KNTC1: variants seen among roughly 807,000 people sequenced by gnomAD.
KNTC1 encodes kinetochore-associated protein 1.
Under a neutral mutation model 314.4 loss-of-function variants are expected in KNTC1, and 253 were observed. That is an observed-to-expected ratio of 0.80 (90% CI 0.73 to 0.89). The LOEUF (loss-of-function observed/expected upper bound fraction) is 0.89, where lower values mean the gene tolerates loss of function less well. Among genes scored for constraint, KNTC1 ranks in the 40% least tolerant of loss-of-function variants. KNTC1 has a pLI of 0.00. For synonymous variants in KNTC1, 901 were observed against 901.4 expected (o/e 1.00, Z 0.01); for missense variants, 2,475 against 2,572.9 (o/e 0.96, Z 0.82).
intron 1 of KNTC1, among the ~76,000 whole-genome samples, chr12:122,529,041 G>C (rs552572083): frequency 2.6e-5 from 4 of 152,072 alleles, no homozygotes; most frequent in Non-Finnish European, 5.9e-5. Flanking sequence ...AGGGGGTTTC[G>C]TCATGTTGGC....
In KNTC1 at chr12:122,547,467, CCT is replaced by C; in HGVS notation, c.874_875del (p.Leu292SerfsTer35). The C allele has an allele frequency of 6.2e-7, 1 of 1,613,338 alleles. No homozygotes were observed. On this transcript the variant is annotated frameshift_variant, in exon 11 of 64. Transcript: ENST00000333479. LOFTEE classifies it high-confidence loss of function. ...ACTCTAACTCCTGTATGGAACTGGC[CCT>C]CTCTTCACGTAGAAGAGTTTCTTCT...
At chr12:122,546,308 G>C in intron 9 of KNTC1, 39 bp downstream of exon 9, 2 of 1,243,526 alleles carry the variant, frequency 1.6e-6, no homozygotes, top group Non-Finnish European at 2.3e-6. Flanking sequence ...ACAATTATTA[G>C]TGAGTTTTAA....
chr12:122,619,179 TC>T (rs1784021366), intron 59 of KNTC1, among the ~76,000 whole-genome samples: 1 of 150,448 alleles, frequency 6.6e-6, no homozygotes. Flanking sequence ...CACCTCAGCC[TC>T]CTGAGTTGCT....
chr12:122,557,778 C>T (rs1963699113), intron 18 of KNTC1, 89 bp downstream of exon 18: 1 of 851,810 alleles, frequency 1.2e-6, no homozygotes, highest in Non-Finnish European at 1.9e-6. Flanking sequence ...ATATCTTTTC[C>T]TCCTATCCGC....
chr12:122,574,404 G>A (rs189653276), intron 27 of KNTC1, 24 bp downstream of exon 27: 35 of 1,356,594 alleles, frequency 2.6e-5, no homozygotes, highest in East Asian at 1.4e-4. Flanking sequence ...GACCATTTGC[G>A]TTTCCCTTTT....
intron 53 of KNTC1, 138 bp from the exon 54 acceptor site, chr12:122,612,970 TACAC>T: frequency 1.6e-6 from 1 of 627,978 alleles, no homozygotes; most frequent in Admixed American, 2.9e-5. Flanking sequence ...GAACCACTGT[TACAC>T]ACAGTGCGTT....
chr12:122,537,170 A>G (rs1233333950), intron 3 of KNTC1, among the ~76,000 whole-genome samples: 2 of 152,172 alleles, frequency 1.3e-5, no homozygotes, highest in Non-Finnish European at 2.9e-5. Flanking sequence ...CATGAATACA[A>G]CAGGCACTTC....
intron 18 of KNTC1, among the ~76,000 whole-genome samples, chr12:122,561,515 G>A (rs1340172114): frequency 2.0e-5 from 3 of 151,672 alleles, no homozygotes; most frequent in Non-Finnish European, 4.4e-5. Context: ...GTGCAGTGGT[G>A]GGATCTCGGC....
intron 42 of KNTC1, 102 bp from the exon 43 acceptor site, chr12:122,594,174 T>C: frequency 1.5e-6 from 1 of 683,664 alleles, no homozygotes; most frequent in Non-Finnish European, 2.5e-6. Flanking sequence ...ATGTTTCTTT[T>C]TGAAAAAGGA....
At chr12:122,561,205 C>G (rs1424904744) in intron 18 of KNTC1, among the ~76,000 whole-genome samples, 1 of 151,730 alleles carries the variant, frequency 6.6e-6, no homozygotes, top group Non-Finnish European at 1.5e-5. Flanking sequence ...ATCCCAGCTA[C>G]TTGGAAGGCT....
intron 44 of KNTC1, among the ~76,000 whole-genome samples, chr12:122,598,883 C>G (rs1018537752): frequency 1.3e-5 from 2 of 151,646 alleles, no homozygotes; most frequent in African/African-American, 4.8e-5. Flanking sequence ...GAACATGGCT[C>G]ATGGCAGCCT....
At chr12:122,545,665 T>C (rs919366344) in intron 8 of KNTC1, among the ~76,000 whole-genome samples, 1 of 152,210 alleles carries the variant, frequency 6.6e-6, no homozygotes, top group East Asian at 1.9e-4. Flanking sequence ...TAAATATTTA[T>C]GTGAAGGCTG....
At chr12:122,554,905 C>T (rs1180941902) in intron 16 of KNTC1, among the ~76,000 whole-genome samples, 1 of 152,028 alleles carries the variant, frequency 6.6e-6, no homozygotes, top group South Asian at 2.1e-4. Context: ...GCTGGGTGGG[C>T]GTGGTGGTGT....
At chr12:122,553,565 G>T (rs1310613847) in intron 16 of KNTC1, among the ~76,000 whole-genome samples, 1 of 152,042 alleles carries the variant, frequency 6.6e-6, no homozygotes, top group Non-Finnish European at 1.5e-5. Context: ...GATGTGAGGG[G>T]TCTGGTGAAA....
intron 60 of KNTC1, among the ~76,000 whole-genome samples, 193 bp from the exon 61 acceptor site, chr12:122,621,687 GC>G (rs1874454058): frequency 6.6e-6 from 1 of 152,164 alleles, no homozygotes. Context: ...ATTTTTAAAA[GC>G]CATCTGTTCT....
At chr12:122,539,598 T>C (rs1962124774) in intron 4 of KNTC1, 78 bp from the exon 5 acceptor site, 1 of 1,001,324 alleles carries the variant, frequency 1.0e-6, no homozygotes, top group African/African-American at 1.6e-5. Flanking sequence ...AATTGATAAC[T>C]CTAGAGTTTA....
chr12:122,561,314 CA>C lies in KNTC1; in HGVS notation c.1489-596del, dbSNP rs965907707. On this transcript the variant is annotated intron_variant, in intron 18 of 63. Transcript: ENST00000333479. Reference sequence around the variant, plus strand: ...TGGGTGACAGAGCAAGACCCTATCTCAAAAAAAAAAATAATAATAATAATAA... The same window carrying C: ...TGGGTGACAGAGCAAGACCCTATCTCAAAAAAAAAATAATAATAATAATAA... Among the ~76,000 whole-genome samples, 503 of 142,848 alleles carry C rather than the reference CA, an allele frequency of 3.5e-3. 1 individual carries two copies. The highest frequency in any genetic ancestry group is 0.011 in the African/African-American group (444 of 39,056). The allele number at this position is 142,848 out of a possible 152,430, so 93.7% of individuals were successfully genotyped here. A position where few individuals can be genotyped will look rare whatever the true frequency, so the allele number is the denominator to read the frequency against.
At chr12:122,584,475 GT>G in intron 35 of KNTC1, 25 bp downstream of exon 35, 1 of 1,549,584 alleles carries the variant, frequency 6.5e-7, no homozygotes, top group Non-Finnish European at 8.8e-7. Flanking sequence ...AATATACGTA[GT>G]TTTATATTCT....
chr12:122,564,879 T>G (rs1203006430), intron 20 of KNTC1, among the ~76,000 whole-genome samples: 1 of 152,214 alleles, frequency 6.6e-6, no homozygotes, highest in Admixed American at 6.5e-5. Context: ...ATAAATAGAT[T>G]TAAAGTAAGT....
Sources: allele counts gnomAD v4.1 joint callset (sites outside exome capture counted in the v4.1 genomes callset), GRCh38; gene constraint gnomAD v4.1.1; transcripts MANE v1.5; gene names NCBI Gene and HGNC (gene_info 2026-07-23, HGNC 2026-07-21).